USO1: variants seen among roughly 807,000 people sequenced by gnomAD.
USO1 encodes general vesicular transport factor p115.
In USO1, 57 loss-of-function variants were observed where a neutral mutation model predicts 124.5. The observed-to-expected ratio is 0.46, with a 90% CI of 0.37 to 0.57. USO1 has a LOEUF of 0.57. Among genes scored for constraint, USO1 ranks in the 20% least tolerant of loss-of-function variants. USO1 has a pLI of 0.00. For missense variants in USO1, 900 were observed against 1,040.6 expected, an observed-to-expected ratio of 0.86 and a Z score of 1.86; for synonymous variants, 369 against 362.8, an observed-to-expected ratio of 1.02 and a Z score of -0.19.
At chr4:75,804,002 C>T (rs1319755374) in intron 17 of USO1, 132 bp from the exon 18 acceptor site, 1 of 1,173,574 alleles carries the variant, frequency 8.5e-7, no homozygotes, top group African/African-American at 1.6e-5. Flanking sequence ...TGCTTAATTA[C>T]TGAACGATTT....
chr4:75,805,598 G>T (rs757248837), intron 19 of USO1, among the ~76,000 whole-genome samples: 4 of 151,844 alleles, frequency 2.6e-5, no homozygotes, highest in South Asian at 2.1e-4. Context: ...TCCCAGCTAC[G>T]CAGGAGGCTG....
intron 10 of USO1, among the ~76,000 whole-genome samples, chr4:75,788,253 C>T (rs1034749116): frequency 1.1e-4 from 16 of 150,988 alleles, no homozygotes; most frequent in Admixed American, 7.3e-4. Flanking sequence ...CTGCAACCCC[C>T]GCCTTCCGGG....
At chr4:75,790,058 AC>A (rs1178991635) in intron 10 of USO1, 91 bp from the exon 11 acceptor site, 73 of 1,071,348 alleles carry the variant, frequency 6.8e-5, no homozygotes, top group East Asian at 3.2e-4. Flanking sequence ...AAAAAAAAAA[AC>A]AAAAAAAAAA....
intron 1 of USO1, among the ~76,000 whole-genome samples, chr4:75,740,617 A>G (rs1720932486): frequency 6.6e-6 from 1 of 152,338 alleles, no homozygotes; most frequent in Middle Eastern, 3.4e-3. Context: ...TCACTAATTC[A>G]GTTTTCATGG....
intron 7 of USO1, among the ~76,000 whole-genome samples, chr4:75,771,909 C>T (rs553634213): frequency 1.2e-4 from 18 of 152,268 alleles, no homozygotes; most frequent in African/African-American, 4.3e-4. Context: ...GAGATCATAT[C>T]AAGCTAATTA....
rs72649501 is a variant in USO1, at chr4:75,789,964, G to A, written c.997-186G>A. 3.9e-3 allele frequency among the ~76,000 whole-genome samples: 590 copies of A among 151,322 alleles called. 5 individuals carry two copies. Among genetic ancestry groups the A allele is most frequent in the Admixed American group, 0.019 (285 of 15,198 alleles). Reference sequence around the variant, plus strand: ...GTGCCTGAATTTTGGCACTTAAAAAGTGGGATATAAGATTTTTTTTCATGT... The same window carrying A: ...GTGCCTGAATTTTGGCACTTAAAAAATGGGATATAAGATTTTTTTTCATGT... On this transcript the variant is annotated intron_variant, in intron 10 of 23. Coordinates refer to ENST00000514213, the MANE Select transcript of USO1 (RefSeq NM_003715.4).
chr4:75,750,187 A>G (rs957820836), intron 1 of USO1, among the ~76,000 whole-genome samples: 148 of 152,252 alleles, frequency 9.7e-4, no homozygotes, highest in African/African-American at 3.3e-3. Context: ...TAATCCCAGC[A>G]CTTTGGGAGG....
In USO1 at chr4:75,757,569, A is replaced by G. The variant is rs1721483361; in HGVS notation, c.291A>G (p.Glu97=). The change falls in exon 4 of 24, where the codon GAA becomes GAG. Residue 97 remains glutamate (E), a synonymous_variant. Transcript: ENST00000514213. ...YNIISNEEEE[E]VEENSTRQSE... Reference sequence around the variant, plus strand: ...TAATATCTAATGAAGAAGAAGAAGAAGTAGGTAAGTTTCCAGTTATTTTTA... The same window carrying G: ...TAATATCTAATGAAGAAGAAGAAGAGGTAGGTAAGTTTCCAGTTATTTTTA... 3 of 1,488,236 alleles carry G rather than the reference A, an allele frequency of 2.0e-6. No homozygotes were observed. The South Asian group carries it at 4.1e-5, about 20-fold the overall frequency. 92.2% of individuals were successfully genotyped at this position (1,488,236 alleles called of 1,614,324 possible).
At chr4:75,810,275 G>C (rs556200943) in intron 21 of USO1, among the ~76,000 whole-genome samples, 157 bp from the exon 22 acceptor site, 1 of 152,314 alleles carries the variant, frequency 6.6e-6, no homozygotes, top group South Asian at 2.1e-4. Flanking sequence ...TCATCTGACA[G>C]TGGAGAGCAC....
chr4:75,725,937 G>T (rs532769225), intron 1 of USO1, among the ~76,000 whole-genome samples: 16 of 152,258 alleles, frequency 1.1e-4, no homozygotes, highest in African/African-American at 3.1e-4. Flanking sequence ...TAACTACCCT[G>T]CAAGATAGGT....
chr4:75,742,762 A>G (rs1308726800), intron 1 of USO1, among the ~76,000 whole-genome samples: 1 of 152,376 alleles, frequency 6.6e-6, no homozygotes, highest in East Asian at 1.9e-4. Context: ...GCTAGATTAC[A>G]TTAAAATCTG....
intron 1 of USO1, chr4:75,730,070 T>A: frequency 4.1e-6 from 1 of 245,936 alleles, no homozygotes; most frequent in Non-Finnish European, 8.4e-6. Context: ...TGGCCTGTTT[T>A]GCAATAACAA....
chr4:75,735,277 A>G (rs1413151309), intron 1 of USO1, among the ~76,000 whole-genome samples: 1 of 152,080 alleles, frequency 6.6e-6, no homozygotes, highest in South Asian at 2.1e-4. Context: ...TGATTTTTGT[A>G]CATTGATTTT....
At position 75,787,145 on chromosome 4, in the gene USO1, G is replaced by A. The variant is rs768176976; in HGVS notation, c.939G>A (p.Leu313=). The change falls in exon 10 of 24, where the codon TTG becomes TTA. Residue 313 remains leucine, a synonymous_variant. Coordinates refer to ENST00000514213, the MANE Select transcript of USO1 (RefSeq NM_003715.4). ...CQKAMFQCGL[L]QQLCTILMAT... ...AGGCTATGTTCCAGTGTGGGTTATT[G>A]CAGCAGCTTTGTACTATCCTAATGG... is the stretch of plus-strand genomic sequence containing the variant. 2 of 1,607,496 alleles carry A rather than the reference G, an allele frequency of 1.2e-6. No individual in the cohort carries two copies. Among genetic ancestry groups the A allele is most frequent in the Admixed American group, 1.7e-5 (1 of 59,132 alleles).
intron 1 of USO1, among the ~76,000 whole-genome samples, chr4:75,727,562 T>A (rs1258919596): frequency 6.6e-6 from 1 of 152,222 alleles, no homozygotes; most frequent in Non-Finnish European, 1.5e-5. Flanking sequence ...GGTCATGGAT[T>A]ACTAATTTAG....
intron 14 of USO1, among the ~76,000 whole-genome samples, 167 bp from the exon 15 acceptor site, chr4:75,800,184 A>G (rs971326665): frequency 6.6e-6 from 1 of 151,962 alleles, no homozygotes; most frequent in Admixed American, 6.6e-5. Context: ...TGATCCACCC[A>G]CCTTGGCCTC....
At chr4:75,793,186 T>A (rs1722579100) in intron 12 of USO1, among the ~76,000 whole-genome samples, 1 of 150,242 alleles carries the variant, frequency 6.7e-6, no homozygotes, top group African/African-American at 2.4e-5. Context: ...ACTCAACCTA[T>A]GTTTCTTTTC....
Position 75,745,514 on chromosome 4 carries a change from C to T in USO1, c.67-6859C>T, listed in dbSNP as rs142910212. 2.2e-4 allele frequency among the ~76,000 whole-genome samples: 34 copies of T among 152,282 alleles called. 1 individual carries two copies. In the East Asian group the frequency reaches 6.5e-3, roughly 29 times the overall value. ...ACTTTGGAGTGATACATCTATAGCT[C>T]GGTTAGGATCTAGACTCTGCTCCCA... On this transcript the variant is annotated intron_variant, in intron 1 of 23. Coordinates refer to ENST00000514213, the MANE Select transcript of USO1 (RefSeq NM_003715.4).
intron 3 of USO1, among the ~76,000 whole-genome samples, chr4:75,753,493 C>T: frequency 6.6e-6 from 1 of 152,086 alleles, no homozygotes; most frequent in Middle Eastern, 3.4e-3. Context: ...CAAGATCGTC[C>T]AACTGCACTT....
Sources: allele counts gnomAD v4.1 joint callset (sites outside exome capture counted in the v4.1 genomes callset), GRCh38; gene constraint gnomAD v4.1.1; transcripts MANE v1.5; gene names NCBI Gene and HGNC (gene_info 2026-07-23, HGNC 2026-07-21).